Variants in COG1 observed in about 807,000 individuals in gnomAD.
COG1 encodes component of oligomeric golgi complex 1, also known as conserved oligomeric Golgi complex subunit 1.
In COG1, 61 loss-of-function variants were observed where a neutral mutation model predicts 102.2. The observed-to-expected ratio is 0.60, with a 90% CI of 0.49 to 0.74. COG1 has a LOEUF of 0.74. COG1 is among the 30% of genes least tolerant of loss of function. COG1 has a pLI of 0.00. For missense variants in COG1, 1,164 were observed against 1,232.1 expected, an observed-to-expected ratio of 0.94 and a Z score of 0.83; for synonymous variants, 454 against 493.6, an observed-to-expected ratio of 0.92 and a Z score of 1.06.
Position 73,208,344 on chromosome 17 carries a change from G to A in COG1, c.2836G>A (p.Asp946Asn), listed in dbSNP as rs139440017. ...CCCCCCGGCACGCTCCACAGCTGGTGACCCGACAGTTCCTGGCTCCTTGTT... is the reference window on the plus strand; with the variant it reads ...CCCCCCGGCACGCTCCACAGCTGGTAACCCGACAGTTCCTGGCTCCTTGTT... ...VVPPARSTAGDPTVPGSLFRQ... is the reference protein window; with the variant it reads ...VVPPARSTAGNPTVPGSLFRQ... Residue 946 changes from aspartate (D) to asparagine (N), a missense_variant, in exon 14 of 14, where the codon GAC (aspartate) becomes AAC (asparagine). By Grantham distance (23) the Asp-to-Asn change is conservative. Transcript: ENST00000299886. 8.7e-6 allele frequency: 14 copies of A among 1,613,970 alleles called. No individual in the cohort carries two copies. The Admixed American group carries it at 2.0e-4, about 23-fold the overall frequency.
At chr17:73,204,413 TAG>T (rs144893608) in intron 9 of COG1, among the ~76,000 whole-genome samples, 2 of 152,120 alleles carry the variant, frequency 1.3e-5, no homozygotes, top group Non-Finnish European at 2.9e-5. Context: ...TGTGGGGAGT[TAG>T]AGAGAACAGT....
At position 73,201,209 on chromosome 17, in the gene COG1, C is replaced by T. The variant is rs2061345550; in HGVS notation, c.1382C>T (p.Ser461Leu). The T allele has an allele frequency of 6.2e-7, 1 of 1,614,200 alleles. No homozygotes were observed. Among genetic ancestry groups the T allele is most frequent in the East Asian group, 2.2e-5 (1 of 44,884 alleles). The part of the protein sequence containing the change: ...ELESSTSNSP[S>L]NKHIHFEYNM... ...GAAAGCAGCACCAGCAACTCCCCTTCAAATAAGCACATCCACTTTGAGTAC... is the reference window on the plus strand; with the variant it reads ...GAAAGCAGCACCAGCAACTCCCCTTTAAATAAGCACATCCACTTTGAGTAC... Residue 461 changes from serine to leucine, a missense_variant, in exon 7 of 14, where the codon TCA (serine) becomes TTA (leucine). Coordinates refer to ENST00000299886, the MANE Select transcript of COG1 (RefSeq NM_018714.3).
chr17:73,199,043 T>G (rs1173939347), intron 4 of COG1, among the ~76,000 whole-genome samples: 2 of 152,208 alleles, frequency 1.3e-5, no homozygotes, highest in South Asian at 2.1e-4. Flanking sequence ...CTGGCTGACT[T>G]GTCATGGCTT....
At chr17:73,201,029 A>C in intron 6 of COG1, 80 bp from the exon 7 acceptor site, 1 of 1,318,026 alleles carries the variant, frequency 7.6e-7, no homozygotes, top group African/African-American at 1.4e-5. Flanking sequence ...GAATGCTAGG[A>C]TAAATTACCA....
At chr17:73,199,731 C>T (rs936782275) in intron 4 of COG1, 134 bp from the exon 5 acceptor site, 26 of 996,962 alleles carry the variant, frequency 2.6e-5, no homozygotes, top group East Asian at 1.3e-4. Flanking sequence ...TGCACCATGA[C>T]GCCTGGCAAA....
chr17:73,203,277 G>A (rs1339952697), intron 8 of COG1, 131 bp downstream of exon 8: 3 of 1,177,734 alleles, frequency 2.5e-6, no homozygotes, highest in East Asian at 2.6e-5. Flanking sequence ...TCTACTGTGG[G>A]GGCATAGTAG....
intron 4 of COG1, among the ~76,000 whole-genome samples, chr17:73,197,972 C>T (rs143498465): frequency 4.6e-5 from 7 of 152,308 alleles, no homozygotes; most frequent in African/African-American, 1.2e-4. Flanking sequence ...AGGCTTGGTG[C>T]GGACCCTCTG....
chr17:73,207,732 C>T, intron 13 of COG1: 1 of 1,291,746 alleles, frequency 7.7e-7, no homozygotes, highest in Non-Finnish European at 1.0e-6. Flanking sequence ...CTGCAGGAAT[C>T]CTCCTGGGTA....
rs769788760 is a variant in COG1 at position 73,201,677 on chromosome 17, T to C, written c.1850T>C (p.Leu617Pro). Residue 617 changes from leucine (L) to proline (P), a missense_variant, in exon 7 of 14, where the codon CTC (leucine) becomes CCC (proline). By Grantham distance (98) the Leu-to-Pro change is moderately conservative. Transcript: ENST00000299886. Reference protein sequence around the residue: ...KLHSVLFMARLCQSLGELCPH... With the variant: ...KLHSVLFMARPCQSLGELCPH... ...CACTCAGTTCTTTTCATGGCCAGAC[T>C]CTGCCAGTCCCTGGGAGAGCTGTGC... 25 of 1,614,182 alleles carry C rather than the reference T, an allele frequency of 1.5e-5. No homozygotes were observed. Among genetic ancestry groups the C allele is most frequent in the Non-Finnish European group, 2.1e-5 (25 of 1,180,026 alleles).
chr17:73,198,614 A>T (rs574784464), intron 4 of COG1, among the ~76,000 whole-genome samples: 2 of 151,090 alleles, frequency 1.3e-5, no homozygotes, highest in South Asian at 4.1e-4. Context: ...AAAACGTTGC[A>T]TTGGCGATGG....
At chr17:73,208,132 C>G (rs757194205) in intron 13 of COG1, 182 bp from the exon 14 acceptor site, 94 of 1,484,854 alleles carry the variant, frequency 6.3e-5, no homozygotes, top group Non-Finnish European at 7.7e-5. Flanking sequence ...GTCACAAAGG[C>G]TCATGCTGTT....
chr17:73,199,723 C>A, intron 4 of COG1, 142 bp from the exon 5 acceptor site: 1 of 901,358 alleles, frequency 1.1e-6, no homozygotes, highest in Non-Finnish European at 1.8e-6. Flanking sequence ...TACAGGTGTG[C>A]ACCATGACGC....
rs758860484 is a variant in COG1 at position 73,203,513 on chromosome 17, G to A, written c.2221-119G>A. On this transcript the variant is annotated intron_variant, in intron 8 of 13. Coordinates refer to ENST00000299886, the MANE Select transcript of COG1 (RefSeq NM_018714.3). ...GCTGAACAGTCTGCCTGTAAGAAGC[G>A]TTGCTGAGAGGGGTCAAAGTCCTGG... 1.5e-4 allele frequency: 187 copies of A among 1,231,730 alleles called. No homozygotes were observed. In the Middle Eastern group the frequency reaches 2.5e-3, roughly 16 times the overall value. The allele number at this position is 1,231,730 out of a possible 1,614,324, so 76.3% of individuals were successfully genotyped here. A position where few individuals can be genotyped will look rare whatever the true frequency, so the allele number is the denominator to read the frequency against.
chr17:73,197,088 G>A lies in COG1; in HGVS notation c.742+7G>A. 1 of 1,614,162 alleles carries A rather than the reference G, an allele frequency of 6.2e-7. No individual in the cohort carries two copies. The highest frequency in any genetic ancestry group is 8.5e-7 in the Non-Finnish European group (1 of 1,180,036). On this transcript the variant is annotated splice_region_variant and intron_variant, in intron 3 of 13. Transcript: ENST00000299886. ...CTCAACCAGCCACACCATGGTGGGT[G>A]TGGCTTCTGGCCAACATTTGGTCCT...
chr17:73,194,980 T>C (rs1169720421), intron 1 of COG1, among the ~76,000 whole-genome samples: 1 of 152,120 alleles, frequency 6.6e-6, no homozygotes, highest in East Asian at 1.9e-4. Flanking sequence ...AATAAAACTA[T>C]AGGAAGTTGC....
At position 73,199,978 on chromosome 17, in the gene COG1, A is replaced by T. The variant is rs764574310; in HGVS notation, c.1027A>T (p.Ser343Cys). The T allele has an allele frequency of 6.2e-7, 1 of 1,614,028 alleles. No homozygotes were observed. The highest frequency in any genetic ancestry group is 1.1e-5 in the South Asian group (1 of 91,024). Residue 343 changes from serine (S) to cysteine (C), a missense_variant, in exon 5 of 14, where the codon AGT becomes TGT. By Grantham distance (112) the Ser-to-Cys change is moderately radical. Transcript: ENST00000299886. ...ACTCCGAACCCTTGCACATCCCATC[A>T]GTCAGGAATACCTGAAAGACACGCT... ...PTLRTLAHPI[S>C]QEYLKDTLQK...
rs374230801 is a variant in COG1, at chr17:73,193,293, G to A, written c.224G>A (p.Gly75Glu). The A allele has an allele frequency of 4.8e-5, 77 of 1,597,612 alleles. No individual in the cohort carries two copies. Among genetic ancestry groups the A allele is most frequent in the Non-Finnish European group, 6.4e-5 (75 of 1,173,938 alleles). Residue 75 changes from glycine to glutamate, a missense_variant, in exon 1 of 14, where the codon GGG (glycine) becomes GAG (glutamate). Gly to Glu is a moderately conservative substitution (Grantham distance 98). Coordinates refer to ENST00000299886, the MANE Select transcript of COG1 (RefSeq NM_018714.3). ...TIGQMRRCAV[G>E]LVDAVKATDQ... ...GGCCAGATGCGCCGCTGCGCCGTGG[G>A]GCTAGTGGACGCCGTGAAGGCCACC...
In COG1 at chr17:73,197,233, T is replaced by C. The variant is rs376078151; in HGVS notation, c.750T>C (p.Gly250=). The change falls in exon 4 of 14, where the codon GGT becomes GGC. Residue 250 remains glycine, a synonymous_variant. Coordinates refer to ENST00000299886, the MANE Select transcript of COG1 (RefSeq NM_018714.3). The part of the protein sequence containing the change: ...KLLNQPHHGA[G]IKAQICSLVE... ...GATGGTTTCTTCTTTTAGGTGCTGGTATCAAGGCTCAGATTTGCTCATTAG... is the reference window on the plus strand; with the variant it reads ...GATGGTTTCTTCTTTTAGGTGCTGGCATCAAGGCTCAGATTTGCTCATTAG... The C allele has an allele frequency of 7.4e-6, 12 of 1,614,094 alleles. No homozygotes were observed. In the African/African-American group the frequency reaches 1.6e-4, roughly 22 times the overall value.
chr17:73,202,059 C>T (rs764028288), intron 7 of COG1, among the ~76,000 whole-genome samples, 159 bp downstream of exon 7: 5 of 152,198 alleles, frequency 3.3e-5, no homozygotes, highest in South Asian at 2.1e-4. Context: ...CTTTTTTGGC[C>T]GGGCGCGGTG....
Sources: gnomAD v4.1 joint callset for allele counts (sites outside exome capture counted in the v4.1 genomes callset) on GRCh38, gnomAD v4.1.1 for gene constraint, MANE v1.5 for transcripts, NCBI Gene and HGNC (gene_info 2026-07-23, HGNC 2026-07-21) for gene names.